Variants in CCDC136 observed in about 807,000 individuals in gnomAD.
CCDC136 encodes the protein coiled-coil domain containing 136.
A neutral mutation model predicts 141.2 loss-of-function variants in CCDC136; 100 were observed. The observed-to-expected ratio is 0.71, with a 90% CI of 0.60 to 0.84. The LOEUF is 0.84. Ranked by LOEUF, CCDC136 falls within the 40% of genes least tolerant of loss-of-function variation. CCDC136 has a pLI of 0.00. For missense variants in CCDC136, 1,206 were observed against 1,379.4 expected, an observed-to-expected ratio of 0.87 and a Z score of 1.99; for synonymous variants, 474 against 531.9, an observed-to-expected ratio of 0.89 and a Z score of 1.50.
At chr7:128,798,609 A>C (rs1440671375) in intron 3 of CCDC136, among the ~76,000 whole-genome samples, 3 of 152,032 alleles carry the variant, frequency 2.0e-5, no homozygotes, top group Non-Finnish European at 4.4e-5. Context: ...CCCTAACATC[A>C]AAAGCATATT....
intron 4 of CCDC136, among the ~76,000 whole-genome samples, chr7:128,803,112 G>C (rs1287215326): frequency 6.6e-6 from 1 of 152,216 alleles, no homozygotes; most frequent in Non-Finnish European, 1.5e-5. Flanking sequence ...GTTCTAATTA[G>C]AGCAAGTTAG....
Position 128,821,569 on chromosome 7 carries a change from A to G in CCDC136, c.*6-230A>G, listed in dbSNP as rs576325299. ...TAGTATTCTCAGCCCATGGGGAGAA[A>G]CGGAGGCCTGAATACAGGCGGTCAC... is the stretch of plus-strand genomic sequence containing the variant. On this transcript the variant is annotated intron_variant, in intron 17 of 17. Transcript: ENST00000297788. This position sits in a 1 kb window ranked among gnomAD's most constrained non-coding sequence, Gnocchi z 5.1. Among the ~76,000 whole-genome samples the G allele has an allele frequency of 2.6e-5, 4 of 152,300 alleles. No individual in the cohort carries two copies. Among genetic ancestry groups the G allele is most frequent in the African/African-American group, 7.2e-5 (3 of 41,562 alleles).
chr7:128,801,605 G>A, intron 4 of CCDC136, 96 bp downstream of exon 4: 1 of 910,386 alleles, frequency 1.1e-6, no homozygotes, highest in Non-Finnish European at 1.6e-6. Flanking sequence ...CATGAATTGG[G>A]AATCTCTAGA....
upstream of CCDC136, chr7:128,791,950 C>A (rs1585038573): frequency 3.4e-6 from 3 of 882,190 alleles, no homozygotes; most frequent in Admixed American, 9.2e-5. The surrounding 1 kb of genome is among the most constrained non-coding windows in gnomAD (Gnocchi z 7.1). Flanking sequence ...TTCCCGCACG[C>A]CCCCCACTCC....
In CCDC136 at chr7:128,805,521, C is replaced by A; in HGVS notation, c.945C>A (p.Asn315Lys). 6.2e-7 allele frequency: 1 copy of A among 1,604,844 alleles called. No homozygotes were observed. Among genetic ancestry groups the A allele is most frequent in the Non-Finnish European group, 8.5e-7 (1 of 1,174,392 alleles). Residue 315 changes from asparagine to lysine, a missense_variant, in exon 6 of 18, where the codon AAC (asparagine) becomes AAA (lysine). Asn to Lys is a moderately conservative substitution (Grantham distance 94). Transcript: ENST00000297788. This position sits in a 1 kb window ranked among gnomAD's most constrained non-coding sequence, Gnocchi z 4.6. The part of the protein sequence containing the change: ...DAEEQMHGMK[N>K]KCQELCCELE... ...AAGAGCAGATGCATGGCATGAAGAA[C>A]AAGGTAGGGCACAGAGGGTGGGGAA...
intron 3 of CCDC136, among the ~76,000 whole-genome samples, chr7:128,796,977 G>A (rs191842289): frequency 6.6e-6 from 1 of 151,584 alleles, no homozygotes; most frequent in Non-Finnish European, 1.5e-5. Flanking sequence ...TCCTGACCTC[G>A]TGATCCGCCC....
chr7:128,807,300 GGA>G, intron 9 of CCDC136, 58 bp from the exon 10 acceptor site: 1 of 1,283,252 alleles, frequency 7.8e-7, no homozygotes, highest in Non-Finnish European at 1.0e-6. Context: ...CCGCCTGGGA[GGA>G]GAGAGTCCAG....
chr7:128,800,795 TAGTC>T (rs1421274364), intron 3 of CCDC136, among the ~76,000 whole-genome samples: 2 of 152,180 alleles, frequency 1.3e-5, no homozygotes, highest in African/African-American at 4.8e-5. Flanking sequence ...TAGGTGAAAA[TAGTC>T]TGTATACATT....
At chr7:128,792,517 A>G in intron 1 of CCDC136, 90 bp downstream of exon 1, 1 of 971,430 alleles carries the variant, frequency 1.0e-6, no homozygotes, top group Non-Finnish European at 1.6e-6. Flanking sequence ...CCTCTGAGCC[A>G]GGACACAGCC....
rs756967486 is a variant in CCDC136, at chr7:128,805,924, T to C, written c.1089+23T>C. 8 of 1,613,114 alleles carry C rather than the reference T, an allele frequency of 5.0e-6. No homozygotes were observed. The East Asian group carries it at 1.6e-4, about 31-fold the overall frequency. ...CAGGTAAACACTGCCCGGGGAGGCATCTGGGGTGGGGGCAGAAGGGCCTCA... is the reference window on the plus strand; with the variant it reads ...CAGGTAAACACTGCCCGGGGAGGCACCTGGGGTGGGGGCAGAAGGGCCTCA... On this transcript the variant is annotated intron_variant, in intron 7 of 17. Coordinates refer to ENST00000297788, the MANE Select transcript of CCDC136 (RefSeq NM_022742.5). The surrounding 1 kb of genome is among the most constrained non-coding windows in gnomAD (Gnocchi z 4.6).
At chr7:128,796,739 A>ATATATATATTTTTTTTTT in intron 3 of CCDC136, among the ~76,000 whole-genome samples, 4 of 113,376 alleles carry the variant, frequency 3.5e-5, no homozygotes, top group African/African-American at 1.4e-4. Context: ...ATATATATAT[A>ATATATATATTTTTTTTTT]TTCTTTTTTT....
Position 128,805,432 on chromosome 7 carries a change from G to C in CCDC136, c.856G>C (p.Glu286Gln), listed in dbSNP as rs1180397996. 3.7e-6 allele frequency: 6 copies of C among 1,613,996 alleles called. No individual in the cohort carries two copies. The South Asian group carries it at 6.6e-5, about 18-fold the overall frequency. Residue 286 changes from glutamate to glutamine, a missense_variant, in exon 6 of 18, where the codon GAA becomes CAA. Coordinates refer to ENST00000297788, the MANE Select transcript of CCDC136 (RefSeq NM_022742.5). The surrounding 1 kb of genome is among the most constrained non-coding windows in gnomAD (Gnocchi z 4.6). ...SMTSAESQTS[E>Q]MDFLEPDPEM... is the part of the protein sequence containing the mutation. ...GACGTCAGCAGAGTCTCAGACTTCAGAAATGGATTTCTTAGAGCCTGATCC... is the reference window on the plus strand; with the variant it reads ...GACGTCAGCAGAGTCTCAGACTTCACAAATGGATTTCTTAGAGCCTGATCC...
rs778294973 is a variant in CCDC136, at chr7:128,814,652, G to C, written c.2778G>C (p.Gln926His). Residue 926 changes from glutamine to histidine, a missense_variant, in exon 15 of 18, where the codon CAG becomes CAC. Gln to His is a conservative substitution (Grantham distance 24). Coordinates refer to ENST00000297788, the MANE Select transcript of CCDC136 (RefSeq NM_022742.5). ...ACTACCAACAGATCAAAGAACTGCAGACCAAGCTGCGGGAGCTGCAGCTGC... is the reference window on the plus strand; with the variant it reads ...ACTACCAACAGATCAAAGAACTGCACACCAAGCTGCGGGAGCTGCAGCTGC... ...QNDKNEIKEL[Q>H]TKLRELQLQY... 6.3e-7 allele frequency: 1 copy of C among 1,586,162 alleles called. No individual in the cohort carries two copies. The highest frequency in any genetic ancestry group is 1.8e-5 in the Admixed American group (1 of 56,074).
intron 17 of CCDC136, among the ~76,000 whole-genome samples, chr7:128,820,988 T>C (rs549527142): frequency 6.6e-6 from 1 of 152,332 alleles, no homozygotes; most frequent in East Asian, 1.9e-4. Flanking sequence ...AAAATCCAAA[T>C]TCTACCTTTC....
Position 128,809,440 on chromosome 7 carries a change from C to A in CCDC136, c.1606-10C>A. On this transcript the variant is annotated splice_polypyrimidine_tract_variant and intron_variant, in intron 10 of 17. Coordinates refer to ENST00000297788, the MANE Select transcript of CCDC136 (RefSeq NM_022742.5). The stretch of plus-strand genomic sequence containing the variant: ...GTAACCACCCCCTCCACACCCGCCC[C>A]CACCCACAGTGTGACACACTGCTGT... The A allele has an allele frequency of 1.3e-6, 2 of 1,516,662 alleles. No individual in the cohort carries two copies. The highest frequency in any genetic ancestry group is 1.2e-5 in the South Asian group (1 of 83,200). The allele number at this position is 1,516,662 out of a possible 1,614,324, so 94.0% of individuals were successfully genotyped here. A position where few individuals can be genotyped will look rare whatever the true frequency, so the allele number is the denominator to read the frequency against.
intron 4 of CCDC136, among the ~76,000 whole-genome samples, chr7:128,802,658 A>T (rs1430361893): frequency 6.6e-6 from 1 of 152,242 alleles, no homozygotes; most frequent in Non-Finnish European, 1.5e-5. Context: ...CAAGTAAACT[A>T]TGGAGTTTAG....
At position 128,805,791 on chromosome 7, in the gene CCDC136, C is replaced by T; in HGVS notation, c.979C>T (p.Leu327=). Residue 327 remains leucine (L), a synonymous_variant, in exon 7 of 18, where the codon CTA becomes TTA. Transcript: ENST00000297788. This position sits in a 1 kb window ranked among gnomAD's most constrained non-coding sequence, Gnocchi z 4.6. ...CQELCCELEE[L]QHHRQVSEEE... ...GGAATTGTGTTGTGAGTTGGAAGAG[C>T]TACAGCATCATCGCCAGGTCAGTGA... 6.2e-7 allele frequency: 1 copy of T among 1,613,036 alleles called. No homozygotes were observed.
chr7:128,791,502 G>A (rs1368283349), upstream of CCDC136: 12 of 1,300,384 alleles, frequency 9.2e-6, no homozygotes, highest in Non-Finnish European at 1.2e-5. This position sits in a 1 kb window ranked among gnomAD's most constrained non-coding sequence, Gnocchi z 7.1. Context: ...TCATGGAGGC[G>A]GGCGCCGGAG....
chr7:128,810,220 C>G lies in CCDC136; in HGVS notation c.1882C>G (p.Leu628Val). 6.2e-7 allele frequency: 1 copy of G among 1,612,038 alleles called. No individual in the cohort carries two copies. The highest frequency in any genetic ancestry group is 1.3e-5 in the African/African-American group (1 of 75,036). Residue 628 changes from leucine to valine, a missense_variant, in exon 12 of 18, where the codon CTG (leucine) becomes GTG (valine). By Grantham distance (32) the Leu-to-Val change is conservative (BLOSUM62 1). Transcript: ENST00000297788. Reference sequence around the variant, plus strand: ...AGGCATGCAGGAGGAACAGAAGAAGCTGATACAGAACCAAGACTGTGTATT... The same window carrying G: ...AGGCATGCAGGAGGAACAGAAGAAGGTGATACAGAACCAAGACTGTGTATT... Reference protein sequence around the residue: ...YQGMQEEQKKLIQNQDCVLKE... With the variant: ...YQGMQEEQKKVIQNQDCVLKE...
Sources: gnomAD v4.1 joint callset for allele counts (sites outside exome capture counted in the v4.1 genomes callset) on GRCh38, gnomAD v4.1.1 for gene constraint, Gnocchi (gnomAD v3.1) non-coding constraint, MANE v1.5 for transcripts, NCBI Gene and HGNC (gene_info 2026-07-23, HGNC 2026-07-21) for gene names.